The following PPP1R21 variants were observed in gnomAD, a reference collection of about 807,000 sequenced individuals.
The protein encoded by PPP1R21 is KLRAQ motif containing 1.
PPP1R21 carries 85 observed loss-of-function variants against 112.8 expected under a neutral mutation model. The ratio of observed to expected loss-of-function variants is 0.75; its 90% CI spans 0.63 to 0.90. The LOEUF (loss-of-function observed/expected upper bound fraction) is 0.90, where lower values mean the gene tolerates loss of function less well. Ranked by LOEUF, PPP1R21 falls within the 40% of genes least tolerant of loss-of-function variation. The pLI is 0.00. For missense variants in PPP1R21, 1,199 were observed against 901.5 expected, an observed-to-expected ratio of 1.33 and a Z score of -4.23; for synonymous variants, 381 against 322.3, an observed-to-expected ratio of 1.18 and a Z score of -1.95.
At chr2:48,482,956 G>T (rs1669092344) in intron 13 of PPP1R21, among the ~76,000 whole-genome samples, 1 of 151,688 alleles carries the variant, frequency 6.6e-6, no homozygotes. Flanking sequence ...CCTCCATCAG[G>T]CTCCAGTGTG....
intron 4 of PPP1R21, among the ~76,000 whole-genome samples, 170 bp downstream of exon 4, chr2:48,458,397 G>A (rs1667817731): frequency 6.6e-6 from 1 of 152,182 alleles, no homozygotes; most frequent in Non-Finnish European, 1.5e-5. Context: ...ATATCACACA[G>A]TCTTAATGTG....
At chr2:48,441,310 A>G (rs778989311) in intron 1 of PPP1R21, 32 of 478,218 alleles carry the variant, frequency 6.7e-5, no homozygotes, top group Admixed American at 1.6e-4. Context: ...TCTTGCCTCT[A>G]ATGCTGGCTG....
intron 2 of PPP1R21, among the ~76,000 whole-genome samples, chr2:48,452,570 T>C (rs1667526351): frequency 6.6e-6 from 1 of 151,426 alleles, no homozygotes; most frequent in Admixed American, 6.6e-5. Flanking sequence ...TTTTTTTTAC[T>C]GTTTATTACA....
At chr2:48,509,761 G>A (rs1044462950) in intron 19 of PPP1R21, among the ~76,000 whole-genome samples, 1 of 152,098 alleles carries the variant, frequency 6.6e-6, no homozygotes, top group Admixed American at 6.5e-5. Flanking sequence ...TGGTCATCAG[G>A]CTAGAGTGAA....
At chr2:48,459,198 A>C (rs1424750081) in intron 4 of PPP1R21, among the ~76,000 whole-genome samples, 3 of 150,740 alleles carry the variant, frequency 2.0e-5, no homozygotes, top group Admixed American at 6.6e-5. Flanking sequence ...CACACACACA[A>C]ACAGACACGC....
At chr2:48,511,746 C>T (rs929579707) in intron 21 of PPP1R21, among the ~76,000 whole-genome samples, 1 of 151,678 alleles carries the variant, frequency 6.6e-6, no homozygotes, top group Non-Finnish European at 1.5e-5. Context: ...GGGCCTGTGC[C>T]TGTAGTCCCA....
intron 2 of PPP1R21, among the ~76,000 whole-genome samples, chr2:48,453,902 G>A (rs1470534286): frequency 6.6e-6 from 1 of 152,102 alleles, no homozygotes; most frequent in African/African-American, 2.4e-5. Context: ...TGGAATACAA[G>A]TATATTTCTT....
At chr2:48,469,976 A>G (rs950685864) in intron 9 of PPP1R21, among the ~76,000 whole-genome samples, 1 of 152,166 alleles carries the variant, frequency 6.6e-6, no homozygotes, top group Non-Finnish European at 1.5e-5. Flanking sequence ...ACCCAGGGCC[A>G]TGTGTCTGTG....
chr2:48,498,929 G>T (rs907516584), intron 17 of PPP1R21, among the ~76,000 whole-genome samples, 194 bp downstream of exon 17: 1 of 152,140 alleles, frequency 6.6e-6, no homozygotes, highest in Non-Finnish European at 1.5e-5. Context: ...TAAGGTGCTG[G>T]GAGATTCACT....
intron 2 of PPP1R21, 21 bp from the exon 3 acceptor site, chr2:48,454,574 T>A: frequency 6.2e-7 from 1 of 1,613,890 alleles, no homozygotes. Context: ...TGAGGACCAA[T>A]CTGTTTTCAC....
chr2:48,500,576 A>G (rs1204414363), intron 17 of PPP1R21, among the ~76,000 whole-genome samples: 2 of 152,192 alleles, frequency 1.3e-5, no homozygotes, highest in Non-Finnish European at 2.9e-5. Flanking sequence ...AAAAACAACA[A>G]CAACAATTAA....
intron 17 of PPP1R21, among the ~76,000 whole-genome samples, chr2:48,499,043 G>T (rs1669980868): frequency 6.7e-6 from 1 of 149,470 alleles, no homozygotes; most frequent in African/African-American, 2.5e-5. Flanking sequence ...TTTTGTAAGG[G>T]TATTAATCCT....
intron 1 of PPP1R21, 44 bp from the exon 2 acceptor site, chr2:48,450,964 A>G (rs770359743): frequency 1.2e-5 from 18 of 1,540,276 alleles, no homozygotes; most frequent in Middle Eastern, 1.7e-4. Context: ...GATATAACCA[A>G]TTGCTTTATA....
chr2:48,450,984 G>A (rs1337223111), intron 1 of PPP1R21, 24 bp from the exon 2 acceptor site: 1 of 1,606,558 alleles, frequency 6.2e-7, no homozygotes, highest in Non-Finnish European at 8.5e-7. Flanking sequence ...ATTAGAAATT[G>A]ATTATTGCTT....
rs575691837 is a variant in PPP1R21 at position 48,486,604 on chromosome 2, T to A, written c.1319-27T>A. 6.7e-5 allele frequency: 104 copies of A among 1,552,746 alleles called. No homozygotes were observed. The Admixed American group carries it at 9.4e-4, about 14-fold the overall frequency. ...TATGTGACTTATATATAGATAATAA[T>A]GAATTTTCATGTAATTGCTTTTATA... is the stretch of plus-strand genomic sequence containing the variant. On this transcript the variant is annotated intron_variant, in intron 13 of 21. Transcript: ENST00000294952.
At chr2:48,475,966 A>G (rs1668735280) in intron 12 of PPP1R21, among the ~76,000 whole-genome samples, 1 of 152,170 alleles carries the variant, frequency 6.6e-6, no homozygotes, top group Non-Finnish European at 1.5e-5. Context: ...TAATTTATAT[A>G]CCATACAATG....
intron 7 of PPP1R21, 148 bp downstream of exon 7, chr2:48,461,380 G>A: frequency 6.5e-6 from 8 of 1,230,522 alleles, no homozygotes; most frequent in South Asian, 2.4e-5. Flanking sequence ...GATCAGCCGT[G>A]GTAATCATAT....
chr2:48,444,493 A>G (rs977428673), intron 1 of PPP1R21, among the ~76,000 whole-genome samples: 1 of 152,234 alleles, frequency 6.6e-6, no homozygotes. Flanking sequence ...AGAGAGGCAA[A>G]AAGTGCTGAG....
chr2:48,488,764 C>G (rs1279516381), intron 14 of PPP1R21, among the ~76,000 whole-genome samples: 15 of 152,160 alleles, frequency 9.9e-5, no homozygotes, highest in Admixed American at 8.5e-4. Flanking sequence ...TAGTTGGTAT[C>G]AGCTTAATAT....
Sources: allele counts gnomAD v4.1 joint callset (sites outside exome capture counted in the v4.1 genomes callset), GRCh38; gene constraint gnomAD v4.1.1; transcripts MANE v1.5; gene names NCBI Gene and HGNC (gene_info 2026-07-23, HGNC 2026-07-21).